PDE2A: variants seen among roughly 807,000 people sequenced by gnomAD.
PDE2A encodes phosphodiesterase 2A.
Under a neutral mutation model 133.6 loss-of-function variants are expected in PDE2A, and 53 were observed. That is an observed-to-expected ratio of 0.40 (90% confidence interval 0.32 to 0.50). PDE2A has a LOEUF of 0.50. Ranked by LOEUF, PDE2A falls within the 20% of genes least tolerant of loss-of-function variation. PDE2A has a pLI of 0.73. For synonymous variants in PDE2A, 491 were observed against 490.2 expected (o/e 1.00, Z -0.02); for missense variants, 796 against 1,232.4 (o/e 0.65, Z 5.30).
rs1858458779 is a variant in PDE2A at position 72,632,521 on chromosome 11, A to AG, written c.144+9732dup. On this transcript the variant is annotated intron_variant, in intron 2 of 30. Transcript: ENST00000334456. The stretch of plus-strand genomic sequence containing the variant: ...TCACCCATGTGCCTGACTCTCCTGT[A>AG]GGGCCTGGTATGCACTGGCCCTGGC... Among the ~76,000 whole-genome samples, 3 of 152,206 alleles carry AG rather than the reference A, an allele frequency of 2.0e-5. No homozygotes were observed. In the South Asian group the frequency reaches 6.2e-4, roughly 32 times the overall value.
intron 4 of PDE2A, among the ~76,000 whole-genome samples, chr11:72,604,877 C>A (rs1856904441): frequency 1.3e-5 from 2 of 152,222 alleles, no homozygotes; most frequent in African/African-American, 4.8e-5. Flanking sequence ...GAGGCTGCAG[C>A]CATTTAGAAG....
chr11:72,636,886 G>A (rs972713215), intron 2 of PDE2A, among the ~76,000 whole-genome samples: 1 of 152,112 alleles, frequency 6.6e-6, no homozygotes, highest in Non-Finnish European at 1.5e-5. Flanking sequence ...CTTCCCCAGG[G>A]TCAATTTCCC....
chr11:72,626,209 C>G (rs1858055898), intron 2 of PDE2A, among the ~76,000 whole-genome samples: 1 of 152,250 alleles, frequency 6.6e-6, no homozygotes, highest in Admixed American at 6.5e-5. Context: ...GATGGCAGGA[C>G]CTGCGATGCC....
chr11:72,627,881 G>T (rs1468337884), intron 2 of PDE2A, among the ~76,000 whole-genome samples: 2 of 152,256 alleles, frequency 1.3e-5, no homozygotes, highest in African/African-American at 4.8e-5. Context: ...CTTTCAGAGA[G>T]ACAGTAATGA....
intron 20 of PDE2A, among the ~76,000 whole-genome samples, chr11:72,583,102 C>T (rs565011592): frequency 6.6e-6 from 1 of 152,338 alleles, no homozygotes; most frequent in Admixed American, 6.5e-5. Context: ...GGCATTGTAC[C>T]TAGGGAAGCC....
intron 1 of PDE2A, among the ~76,000 whole-genome samples, chr11:72,657,207 G>T (rs751556084): frequency 3.3e-5 from 5 of 152,148 alleles, no homozygotes; most frequent in African/African-American, 9.7e-5. Flanking sequence ...AGACCAGAAG[G>T]TGGCTGTCCC....
At chr11:72,595,703 G>A (rs542676993) in intron 6 of PDE2A, among the ~76,000 whole-genome samples, 88 of 152,244 alleles carry the variant, frequency 5.8e-4, no homozygotes, top group African/African-American at 2.0e-3. Flanking sequence ...TTACTGGAAT[G>A]GCAGCCCCCT....
chr11:72,598,112 G>A (rs191663629), intron 4 of PDE2A, among the ~76,000 whole-genome samples: 30 of 152,276 alleles, frequency 2.0e-4, no homozygotes, highest in Middle Eastern at 3.4e-3. Flanking sequence ...CCTATGTCCC[G>A]TGCACAGCCC....
intron 2 of PDE2A, among the ~76,000 whole-genome samples, chr11:72,623,426 T>C (rs1017572460): frequency 6.6e-6 from 1 of 152,074 alleles, no homozygotes; most frequent in African/African-American, 2.4e-5. Context: ...AGTTTAAGGC[T>C]CGGTCCTCAG....
intron 1 of PDE2A, among the ~76,000 whole-genome samples, chr11:72,650,544 G>A (rs770106300): frequency 2.0e-5 from 3 of 151,752 alleles, no homozygotes; most frequent in East Asian, 1.9e-4. Context: ...CCACCTCACC[G>A]CAGATAAAGG....
intron 4 of PDE2A, among the ~76,000 whole-genome samples, chr11:72,600,939 G>T (rs1157073754): frequency 4.0e-5 from 6 of 151,758 alleles, no homozygotes; most frequent in Non-Finnish European, 8.8e-5. Flanking sequence ...TCGAGGGAAA[G>T]GTTCTCTGCT....
chr11:72,605,073 G>T, intron 4 of PDE2A, 65 bp downstream of exon 4: 1 of 1,018,172 alleles, frequency 9.8e-7, no homozygotes, highest in Non-Finnish European at 1.5e-6. Flanking sequence ...GACCTTGGAT[G>T]GTGCCTCAGC....
intron 2 of PDE2A, among the ~76,000 whole-genome samples, chr11:72,618,468 C>T: frequency 6.6e-6 from 1 of 152,218 alleles, no homozygotes; most frequent in Non-Finnish European, 1.5e-5. Context: ...GGGGCTGAGC[C>T]ACAGGGCCCT....
chr11:72,599,146 C>G, intron 4 of PDE2A: 1 of 429,902 alleles, frequency 2.3e-6, no homozygotes, highest in Non-Finnish European at 3.1e-6. Context: ...CGCACTGCAG[C>G]CTCATCCTGC....
Position 72,590,677 on chromosome 11 carries a change from T to G in PDE2A, c.550-97A>C. 8.5e-7 allele frequency: 1 copy of G among 1,175,146 alleles called. No individual in the cohort carries two copies. The highest frequency in any genetic ancestry group is 1.1e-6 in the Non-Finnish European group (1 of 902,830). 72.8% of individuals were successfully genotyped at this position (1,175,146 alleles called of 1,614,324 possible). A position where few individuals can be genotyped will look rare whatever the true frequency, so the allele number is the denominator to read the frequency against. On this transcript the variant is annotated intron_variant, in intron 7 of 30. Transcript: ENST00000334456. This position sits in a 1 kb window ranked among gnomAD's most constrained non-coding sequence, Gnocchi z 4.8. Reference sequence around the variant, plus strand: ...CTTTGCTCCCGCCGTTCCCTCTGCCTGCCGGGCCCAGGGACCCCGCCGCCG... The same window carrying G: ...CTTTGCTCCCGCCGTTCCCTCTGCCGGCCGGGCCCAGGGACCCCGCCGCCG...
Position 72,590,515 on chromosome 11 carries a change from G to C in PDE2A, c.615C>G (p.Ala205=). 2.7e-6 allele frequency: 4 copies of C among 1,471,722 alleles called. No individual in the cohort carries two copies. The highest frequency in any genetic ancestry group is 2.7e-6 in the Non-Finnish European group (3 of 1,117,244). The allele number at this position is 1,471,722 out of a possible 1,614,324, so 91.2% of individuals were successfully genotyped here. Residue 205 remains alanine (A), a synonymous_variant, in exon 8 of 31, where the codon GCC becomes GCG. Coordinates refer to ENST00000334456, the MANE Select transcript of PDE2A (RefSeq NM_002599.5). The surrounding 1 kb of genome is among the most constrained non-coding windows in gnomAD (Gnocchi z 4.8). ...CCGTCCCCTCCGGGGGGTTCTGGAC[G>C]GCTCGGGGAGCCTCCCTGGGCCCGC... is the stretch of plus-strand genomic sequence containing the variant. ...QQRGPREAPR[A]VQNPPEGTAE... is the part of the protein sequence containing the mutation.
At chr11:72,604,931 T>C (rs1467957736) in intron 4 of PDE2A, among the ~76,000 whole-genome samples, 1 of 152,220 alleles carries the variant, frequency 6.6e-6, no homozygotes, top group East Asian at 1.9e-4. Context: ...ATTTTCTCTG[T>C]GCCTATCCAT....
intron 1 of PDE2A, chr11:72,657,987 G>T (rs538571279): frequency 2.2e-6 from 1 of 456,230 alleles, no homozygotes; most frequent in Non-Finnish European, 4.4e-6. Context: ...GGAGGGAAGA[G>T]GGAGGGAGTT....
At chr11:72,664,459 C>T (rs912354095) in intron 1 of PDE2A, among the ~76,000 whole-genome samples, 4 of 146,360 alleles carry the variant, frequency 2.7e-5, no homozygotes, top group African/African-American at 5.1e-5. Flanking sequence ...CTGCAAGCTC[C>T]GCCTCCTGAG....
Sources: gnomAD v4.1 joint callset for allele counts (sites outside exome capture counted in the v4.1 genomes callset) on GRCh38, gnomAD v4.1.1 for gene constraint, Gnocchi (gnomAD v3.1) non-coding constraint, MANE v1.5 for transcripts, NCBI Gene and HGNC (gene_info 2026-07-23, HGNC 2026-07-21) for gene names.